The following PPP1R12B variants were observed in gnomAD, a reference collection of about 807,000 sequenced individuals.
The protein encoded by PPP1R12B is myosin phosphatase target subunit 2.
PPP1R12B carries 76 observed loss-of-function variants against 126.1 expected under a neutral mutation model. The observed-to-expected ratio is 0.60, with a 90% CI of 0.50 to 0.73. PPP1R12B has a LOEUF of 0.73. PPP1R12B is among the 30% of genes least tolerant of loss of function. The pLI, the probability that PPP1R12B is intolerant of heterozygous loss-of-function variation, is 0.00. For missense variants in PPP1R12B, 1,052 were observed against 1,205.1 expected (o/e 0.87, Z 1.88); for synonymous variants, 356 against 434.7 (o/e 0.82, Z 2.25).
At chr1:202,390,085 G>A (rs989634476) in intron 1 of PPP1R12B, among the ~76,000 whole-genome samples, 2 of 152,114 alleles carry the variant, frequency 1.3e-5, no homozygotes, top group Non-Finnish European at 2.9e-5. Flanking sequence ...CAGCACAAAG[G>A]TAGACAAGTA....
At chr1:202,530,222 T>G (rs574959812) in intron 18 of PPP1R12B, among the ~76,000 whole-genome samples, 1 of 152,290 alleles carries the variant, frequency 6.6e-6, no homozygotes, top group South Asian at 2.1e-4. Context: ...TAGCAAGCAT[T>G]CAGCATCCCT....
chr1:202,378,236 T>G (rs1179469126), intron 1 of PPP1R12B, among the ~76,000 whole-genome samples: 5 of 147,128 alleles, frequency 3.4e-5, no homozygotes, highest in Admixed American at 2.1e-4. Context: ...ATGCCTCAAG[T>G]TGTCTTCATT....
chr1:202,506,091 A>G (rs1320972509), intron 18 of PPP1R12B, among the ~76,000 whole-genome samples: 1 of 152,204 alleles, frequency 6.6e-6, no homozygotes, highest in East Asian at 1.9e-4. Context: ...GCGCAGTCCC[A>G]GGGAAAAAGA....
chr1:202,457,901 A>G (rs554808899), intron 13 of PPP1R12B, among the ~76,000 whole-genome samples: 1 of 152,324 alleles, frequency 6.6e-6, no homozygotes, highest in South Asian at 2.1e-4. Flanking sequence ...CCAGGCTAGC[A>G]TATCTGAAAG....
In PPP1R12B at chr1:202,590,047, C is replaced by T. The variant is rs1184507964; in HGVS notation, c.*9487C>T. The T allele has an allele frequency of 2.0e-5, 3 of 152,176 alleles. No individual in the cohort carries two copies. Among genetic ancestry groups the T allele is most frequent in the Non-Finnish European group, 4.4e-5 (3 of 68,048 alleles). The allele number at this position is 152,176 out of a possible 1,614,324, so 9.4% of individuals were successfully genotyped here. ...GCAATGCTGTCCCACTCTCCCTTTC[C>T]CTAAAAATTCTGACGCCCTATCCCT... is the stretch of plus-strand genomic sequence containing the variant. On this transcript the variant is annotated 3_prime_UTR_variant, in exon 24 of 24. Coordinates refer to ENST00000608999, the MANE Select transcript of PPP1R12B (RefSeq NM_002481.4).
intron 10 of PPP1R12B, chr1:202,438,297 T>C: frequency 6.6e-7 from 1 of 1,514,152 alleles, no homozygotes; most frequent in Non-Finnish European, 9.0e-7. Context: ...AAGCAAAAAA[T>C]GGATCAGCAA....
intron 1 of PPP1R12B, among the ~76,000 whole-genome samples, chr1:202,402,316 CG>C (rs1220252361): frequency 1.3e-5 from 2 of 152,140 alleles, no homozygotes; most frequent in Non-Finnish European, 2.9e-5. Flanking sequence ...GTAAGCTAGT[CG>C]GGGAGAGTGG....
chr1:202,473,914 CT>C, intron 13 of PPP1R12B: 1 of 532,922 alleles, frequency 1.9e-6, no homozygotes, highest in South Asian at 1.4e-5. Context: ...CCACGCATCT[CT>C]TGACCTTCGT....
chr1:202,392,999 G>A (rs1323584501), intron 1 of PPP1R12B, among the ~76,000 whole-genome samples: 1 of 152,150 alleles, frequency 6.6e-6, no homozygotes, highest in East Asian at 1.9e-4. Context: ...AGGCTGGAGT[G>A]CACTGGTGCG....
intron 1 of PPP1R12B, among the ~76,000 whole-genome samples, chr1:202,414,929 C>T (rs932014676): frequency 2.0e-5 from 3 of 152,190 alleles, no homozygotes; most frequent in East Asian, 1.9e-4. Flanking sequence ...ACTACACGTG[C>T]GTGCCACCAT....
At chr1:202,433,558 C>T (rs1670447329) in intron 8 of PPP1R12B, among the ~76,000 whole-genome samples, 1 of 152,182 alleles carries the variant, frequency 6.6e-6, no homozygotes, top group South Asian at 2.1e-4. Context: ...CAATGCTGTA[C>T]ATAGATAAGG....
chr1:202,571,106 T>C (rs1027515528), intron 23 of PPP1R12B, among the ~76,000 whole-genome samples: 16 of 152,122 alleles, frequency 1.1e-4, no homozygotes, highest in Non-Finnish European at 2.4e-4. Flanking sequence ...CAGAAAGTGG[T>C]CAAATTAGAG....
At chr1:202,567,448 GGT>G (rs2149024235) in intron 21 of PPP1R12B, 2 of 237,896 alleles carry the variant, frequency 8.4e-6, no homozygotes, top group Admixed American at 1.0e-4. Flanking sequence ...GGAGAAGAAT[GGT>G]GAGATGTAAA....
chr1:202,559,850 G>A (rs373930226), intron 19 of PPP1R12B, among the ~76,000 whole-genome samples: 5 of 152,118 alleles, frequency 3.3e-5, no homozygotes, highest in South Asian at 4.1e-4. Flanking sequence ...GTATTTTGCC[G>A]TAATCTTTTG....
chr1:202,578,611 T>A (rs1050226056), intron 23 of PPP1R12B, among the ~76,000 whole-genome samples: 5 of 152,240 alleles, frequency 3.3e-5, no homozygotes, highest in Admixed American at 6.5e-5. Flanking sequence ...GTCTTCTTAA[T>A]AAAGTTTGCA....
intron 21 of PPP1R12B, among the ~76,000 whole-genome samples, chr1:202,567,224 C>A (rs1458779909): frequency 1.3e-5 from 2 of 152,254 alleles, no homozygotes; most frequent in East Asian, 3.9e-4. Context: ...TCCTAAGAAC[C>A]CCTTAAAGCC....
chr1:202,427,057 G>A lies in PPP1R12B; in HGVS notation c.719G>A (p.Gly240Asp). 6.2e-7 allele frequency: 1 copy of A among 1,612,902 alleles called. No homozygotes were observed. Among genetic ancestry groups the A allele is most frequent in the South Asian group, 1.1e-5 (1 of 90,746 alleles). Reference sequence around the variant, plus strand: ...CTTTTTAGACTTTTAATTCAGGCTGGCTATGAACTCAATGTTCAGGATTAT... The same window carrying A: ...CTTTTTAGACTTTTAATTCAGGCTGACTATGAACTCAATGTTCAGGATTAT... ...SEVLRLLIQA[G>D]YELNVQDYDG... Residue 240 changes from glycine to aspartate, a missense_variant, in exon 5 of 24, where the codon GGC becomes GAC. Physicochemically the swap from Gly to Asp is moderately conservative, Grantham distance 94. Coordinates refer to ENST00000608999, the MANE Select transcript of PPP1R12B (RefSeq NM_002481.4).
intron 18 of PPP1R12B, among the ~76,000 whole-genome samples, chr1:202,557,540 A>G (rs1687080111): frequency 6.6e-6 from 1 of 152,172 alleles, no homozygotes; most frequent in South Asian, 2.1e-4. Flanking sequence ...TTTCTTAATG[A>G]GTCCTAATGA....
intron 23 of PPP1R12B, among the ~76,000 whole-genome samples, chr1:202,571,522 C>T (rs938540523): frequency 6.6e-6 from 1 of 152,180 alleles, no homozygotes; most frequent in East Asian, 1.9e-4. Context: ...CGGCTTACTG[C>T]AACCTTTGCC....
Sources: allele counts gnomAD v4.1 joint callset (sites outside exome capture counted in the v4.1 genomes callset), GRCh38; gene constraint gnomAD v4.1.1; transcripts MANE v1.5; gene names NCBI Gene and HGNC (gene_info 2026-07-23, HGNC 2026-07-21).